The following TMEM8B variants were observed in gnomAD, a reference collection of about 807,000 sequenced individuals.
TMEM8B encodes the protein transmembrane protein 8B, also known as nasopharyngeal carcinoma expressed 6.
In TMEM8B, 29 loss-of-function variants were observed where a neutral mutation model predicts 49.3. The observed-to-expected ratio is 0.59, with a 90% CI of 0.44 to 0.80. The LOEUF is 0.80. TMEM8B is among the 30% of genes least tolerant of loss of function. TMEM8B has a pLI of 0.00. For missense variants in TMEM8B, 575 were observed against 658.5 expected (o/e 0.87, Z 1.39); for synonymous variants, 264 against 272.8 (o/e 0.97, Z 0.32).
chr9:35,843,123 A>G (rs945854192), intron 6 of TMEM8B, among the ~76,000 whole-genome samples: 2 of 152,162 alleles, frequency 1.3e-5, no homozygotes, highest in Admixed American at 6.5e-5. Flanking sequence ...ATCTGTCTCC[A>G]TGAATTTTTT....
rs1472265800 is a variant in TMEM8B, at chr9:35,857,267, T to G, written c.*3427T>G. ...AGCCAGACCCGACTGAATCCTGCCC[T>G]GAAGGAGCTCACACGGTGGTGAAGT... On this transcript the variant is annotated 3_prime_UTR_variant, in exon 13 of 13. Coordinates refer to ENST00000643932, the MANE Select transcript of TMEM8B (RefSeq NM_001042590.4). 2.6e-5 allele frequency: 4 copies of G among 152,246 alleles called. No individual in the cohort carries two copies. Among genetic ancestry groups the G allele is most frequent in the Admixed American group, 2.0e-4 (3 of 15,282 alleles). 9.4% of individuals were successfully genotyped at this position (152,246 alleles called of 1,614,324 possible).
intron 1 of TMEM8B, among the ~76,000 whole-genome samples, chr9:35,831,047 G>A (rs534337680): frequency 1.7e-4 from 26 of 152,316 alleles, no homozygotes; most frequent in Non-Finnish European, 3.5e-4. Flanking sequence ...GAACAGCTGG[G>A]GGGTGGAGAA....
In TMEM8B at chr9:35,848,794, C is replaced by A. The variant is rs113509298; in HGVS notation, c.2175+1799C>A. Among the ~76,000 whole-genome samples the A allele has an allele frequency of 8.0e-3, 1,211 of 151,732 alleles. 7 individuals are homozygous for A. The highest frequency in any genetic ancestry group is 0.017 in the Middle Eastern group (5 of 294). ...GGTTCAAGCGATTCTCCTGCCTCAG[C>A]CTCCTGAGTAGCTGGGACTACAGGC... On this transcript the variant is annotated intron_variant, in intron 10 of 12. Transcript: ENST00000643932.
chr9:35,855,346 C>T lies in TMEM8B; in HGVS notation c.*1506C>T, dbSNP rs1392805719. ...CCTCTCCTCCTCTCTCTTCTTTCCC[C>T]CTTTCGTTAATATTGGAGGTGAGGA... On this transcript the variant is annotated 3_prime_UTR_variant, in exon 13 of 13. Transcript: ENST00000643932. The T allele has an allele frequency of 6.6e-6, 1 of 152,166 alleles. No homozygotes were observed. Among genetic ancestry groups the T allele is most frequent in the Non-Finnish European group, 1.5e-5 (1 of 68,058 alleles). 9.4% of individuals were successfully genotyped at this position (152,166 alleles called of 1,614,324 possible).
At chr9:35,852,070 C>T (rs1013519634) in intron 10 of TMEM8B, among the ~76,000 whole-genome samples, 18 of 152,216 alleles carry the variant, frequency 1.2e-4, no homozygotes, top group African/African-American at 4.1e-4. Context: ...GTTGGAACTA[C>T]AGACAAGGGA....
At chr9:35,838,324 T>C (rs1020745243) in intron 3 of TMEM8B, among the ~76,000 whole-genome samples, 5 of 152,104 alleles carry the variant, frequency 3.3e-5, no homozygotes, top group African/African-American at 1.2e-4. Flanking sequence ...ATATTACTCT[T>C]TTCTTTTTGA....
At chr9:35,834,957 C>T (rs1439388225) in intron 2 of TMEM8B, 54 bp from the exon 3 acceptor site, 3 of 415,548 alleles carry the variant, frequency 7.2e-6, no homozygotes, top group African/African-American at 4.1e-5. Flanking sequence ...TCTTTCATTT[C>T]CTGCCTCCCA....
At chr9:35,840,017 T>C (rs1291734102) in intron 3 of TMEM8B, among the ~76,000 whole-genome samples, 3 of 152,240 alleles carry the variant, frequency 2.0e-5, no homozygotes, top group African/African-American at 7.2e-5. Flanking sequence ...CCTGGAACTT[T>C]TGTCCCAGAA....
Position 35,857,875 on chromosome 9 carries a change from A to G in TMEM8B, c.*4035A>G, listed in dbSNP as rs1832578643. On this transcript the variant is annotated 3_prime_UTR_variant, in exon 13 of 13. Transcript: ENST00000643932. The stretch of plus-strand genomic sequence containing the variant: ...CAGTAAGGGCACACTAGAATCCAGA[A>G]GGACAAACTGGAACCTGTGCCTGGC... The G allele has an allele frequency of 6.6e-6, 1 of 152,230 alleles. No homozygotes were observed. The highest frequency in any genetic ancestry group is 2.4e-5 in the African/African-American group (1 of 41,446). The allele number at this position is 152,230 out of a possible 1,614,324, so 9.4% of individuals were successfully genotyped here.
At chr9:35,838,166 T>C (rs1485344850) in intron 3 of TMEM8B, among the ~76,000 whole-genome samples, 19 of 152,172 alleles carry the variant, frequency 1.2e-4, no homozygotes, top group Admixed American at 1.2e-3. Flanking sequence ...AGTTTATTTA[T>C]TTTTTGAATA....
chr9:35,846,172 G>A (rs561796855), intron 7 of TMEM8B, 86 bp from the exon 8 acceptor site: 8 of 1,606,992 alleles, frequency 5.0e-6, no homozygotes, highest in Non-Finnish European at 6.8e-6. Flanking sequence ...GATAGGCTAG[G>A]GTTCCGGGAA....
Position 35,833,879 on chromosome 9 carries a change from T to G in TMEM8B, c.509-582T>G, listed in dbSNP as rs1830163188. The stretch of plus-strand genomic sequence containing the variant: ...CCTGAGCCAGTATACAGGCAGCGCT[T>G]GTGAGGCTGCTGAGGGTTTTTACTG... On this transcript the variant is annotated intron_variant, in intron 1 of 12. Transcript: ENST00000643932. Among the ~76,000 whole-genome samples the G allele has an allele frequency of 3.3e-5, 5 of 152,250 alleles. No homozygotes were observed. The South Asian group carries it at 1.0e-3, about 32-fold the overall frequency.
At chr9:35,852,013 G>A (rs1832185459) in intron 10 of TMEM8B, among the ~76,000 whole-genome samples, 1 of 152,154 alleles carries the variant, frequency 6.6e-6, no homozygotes, top group Admixed American at 6.6e-5. Context: ...AGGGAACACA[G>A]GATGCTGGAA....
intron 6 of TMEM8B, 112 bp from the exon 7 acceptor site, chr9:35,845,863 G>A (rs1246176953): frequency 6.3e-7 from 1 of 1,589,794 alleles, no homozygotes; most frequent in East Asian, 2.2e-5. Flanking sequence ...AGAGCGCCGG[G>A]AGGAATGGGC....
intron 10 of TMEM8B, among the ~76,000 whole-genome samples, chr9:35,851,347 G>A (rs973454737): frequency 1.8e-4 from 27 of 151,372 alleles, no homozygotes; most frequent in Admixed American, 6.0e-4. Flanking sequence ...GTTTCACCAT[G>A]TCGCCCAGGC....
rs1248504400 is a variant in TMEM8B, at chr9:35,845,983, G to A, written c.1644G>A (p.Val548=). The change falls in exon 7 of 13, where the codon GTG becomes GTA. Residue 548 remains valine, a synonymous_variant. Transcript: ENST00000643932. The part of the protein sequence containing the change: ...SLELQLNASS[V]RQENVTVFGC... Reference sequence around the variant, plus strand: ...ATACCTGCCCTCCCCAGAGCTCCGTGCGCCAGGAAAACGTGACGGTGTTTG... The same window carrying A: ...ATACCTGCCCTCCCCAGAGCTCCGTACGCCAGGAAAACGTGACGGTGTTTG... 5 of 1,613,840 alleles carry A rather than the reference G, an allele frequency of 3.1e-6. No homozygotes were observed. The highest frequency in any genetic ancestry group is 4.2e-6 in the Non-Finnish European group (5 of 1,179,946).
intron 10 of TMEM8B, among the ~76,000 whole-genome samples, chr9:35,849,384 A>G (rs1196315788): frequency 6.6e-6 from 1 of 152,248 alleles, no homozygotes; most frequent in Non-Finnish European, 1.5e-5. Flanking sequence ...TTAGCATTTG[A>G]TTTTTGTATA....
At chr9:35,834,025 C>T (rs1415335322) in intron 1 of TMEM8B, among the ~76,000 whole-genome samples, 1 of 124,962 alleles carries the variant, frequency 8.0e-6, no homozygotes, top group Non-Finnish European at 1.7e-5. Context: ...AGACGCCATG[C>T]CAAAATACAC....
chr9:35,842,768 G>A lies in TMEM8B; in HGVS notation c.1635+51G>A. The A allele has an allele frequency of 1.3e-6, 2 of 1,545,194 alleles. No homozygotes were observed. The highest frequency in any genetic ancestry group is 1.9e-5 in the Admixed American group (1 of 53,182). On this transcript the variant is annotated intron_variant, in intron 6 of 12. Coordinates refer to ENST00000643932, the MANE Select transcript of TMEM8B (RefSeq NM_001042590.4). The surrounding 1 kb of genome is among the most constrained non-coding windows in gnomAD (Gnocchi z 5.6). The stretch of plus-strand genomic sequence containing the variant: ...TTGCTCTGCCAGGGAGCTTGAAGGG[G>A]AAGGTGTCAGGGGTGTTGGGGTGTT...
Sources: gnomAD v4.1 joint callset for allele counts (sites outside exome capture counted in the v4.1 genomes callset) on GRCh38, gnomAD v4.1.1 for gene constraint, Gnocchi (gnomAD v3.1) non-coding constraint, MANE v1.5 for transcripts, NCBI Gene and HGNC (gene_info 2026-07-23, HGNC 2026-07-21) for gene names.